The following LRRC4C variants were observed in gnomAD, a reference collection of about 807,000 sequenced individuals.
LRRC4C encodes leucine-rich repeat-containing protein 4C.
Under a neutral mutation model 33.6 loss-of-function variants are expected in LRRC4C, and 5 were observed. That is an observed-to-expected ratio of 0.15 (90% CI 0.08 to 0.31). The LOEUF (loss-of-function observed/expected upper bound fraction) is 0.31. LRRC4C is among the 10% of genes least tolerant of loss of function. The pLI is 1.00. For missense variants in LRRC4C, 560 were observed against 796.7 expected, an observed-to-expected ratio of 0.70 and a Z score of 3.58; for synonymous variants, 329 against 302.0, an observed-to-expected ratio of 1.09 and a Z score of -0.93.
At chr11:40,540,320 A>G (rs1433172178) in intron 3 of LRRC4C, among the ~76,000 whole-genome samples, 1 of 152,150 alleles carries the variant, frequency 6.6e-6, no homozygotes, top group African/African-American at 2.4e-5. Flanking sequence ...CAGAAAATTG[A>G]TCCGCTAAAG....
intron 4 of LRRC4C, among the ~76,000 whole-genome samples, chr11:40,296,256 A>G (rs1276695001): frequency 6.6e-6 from 1 of 152,212 alleles, no homozygotes; most frequent in African/African-American, 2.4e-5. Flanking sequence ...CATTCACACT[A>G]TATGACCTTG....
rs7110624 is a variant in LRRC4C, at chr11:40,674,642, G to C, written c.-406-26364C>G. Among the ~76,000 whole-genome samples, 460 of 152,204 alleles carry C rather than the reference G, an allele frequency of 3.0e-3. 5 individuals are homozygous for C. Among genetic ancestry groups the C allele is most frequent in the African/African-American group, 0.011 (439 of 41,520 alleles). ...TATAATACTGGTTTATAAATCATAT[G>C]CCTTCTTATTTACTTTAATATTTAT... On this transcript the variant is annotated intron_variant, in intron 2 of 6. Coordinates refer to ENST00000528697, the MANE Select transcript of LRRC4C (RefSeq NM_001258419.2).
intron 1 of LRRC4C, among the ~76,000 whole-genome samples, chr11:40,981,340 G>T (rs1456324016): frequency 6.6e-6 from 1 of 152,078 alleles, no homozygotes. Context: ...CTTGAGCCCG[G>T]GAGGCGGAGC....
intron 2 of LRRC4C, among the ~76,000 whole-genome samples, chr11:40,725,772 A>G (rs879174849): frequency 6.6e-6 from 1 of 152,186 alleles, no homozygotes; most frequent in East Asian, 1.9e-4. Context: ...AGCTTTTTAA[A>G]AATGAAGTAG....
intron 3 of LRRC4C, among the ~76,000 whole-genome samples, chr11:40,357,946 A>G (rs1362081827): frequency 6.6e-6 from 1 of 152,144 alleles, no homozygotes; most frequent in Non-Finnish European, 1.5e-5. Context: ...GCACTTTGGG[A>G]GGCCGAGGCA....
intron 1 of LRRC4C, among the ~76,000 whole-genome samples, chr11:41,191,538 A>G (rs1945948516): frequency 6.6e-6 from 1 of 152,168 alleles, no homozygotes; most frequent in South Asian, 2.1e-4. Flanking sequence ...ACTCTGTTCA[A>G]TTGTGAACAA....
chr11:40,449,871 T>C (rs536115148), intron 3 of LRRC4C, among the ~76,000 whole-genome samples: 2 of 152,248 alleles, frequency 1.3e-5, no homozygotes, highest in South Asian at 2.1e-4. Flanking sequence ...TCTGGAGAAA[T>C]ATATTTTCAG....
chr11:40,790,197 T>C (rs964680714), intron 2 of LRRC4C, among the ~76,000 whole-genome samples: 1 of 152,178 alleles, frequency 6.6e-6, no homozygotes, highest in African/African-American at 2.4e-5. Context: ...CAGAGGTGAA[T>C]GTATCGCATT....
intron 1 of LRRC4C, among the ~76,000 whole-genome samples, chr11:41,054,113 C>T (rs1858446823): frequency 6.6e-6 from 1 of 152,176 alleles, no homozygotes; most frequent in African/African-American, 2.4e-5. Flanking sequence ...AGGTCTAAAT[C>T]AAACTGTGTC....
chr11:40,803,632 G>T (rs1951128363), intron 2 of LRRC4C, among the ~76,000 whole-genome samples: 1 of 150,984 alleles, frequency 6.6e-6, no homozygotes, highest in Non-Finnish European at 1.5e-5. Flanking sequence ...TTATTTTTTT[G>T]AGAAAGAGTC....
intron 3 of LRRC4C, among the ~76,000 whole-genome samples, chr11:40,469,371 G>A (rs1444388157): frequency 6.6e-6 from 1 of 152,164 alleles, no homozygotes; most frequent in Non-Finnish European, 1.5e-5. Context: ...CTTTTCCCGT[G>A]GTCTTCGCAA....
At chr11:41,229,733 C>T (rs1383690060) in intron 1 of LRRC4C, among the ~76,000 whole-genome samples, 1 of 152,130 alleles carries the variant, frequency 6.6e-6, no homozygotes, top group East Asian at 1.9e-4. Context: ...GCAGGTAGTA[C>T]AGATCCAATC....
At chr11:40,929,729 C>G (rs1423725523) in intron 2 of LRRC4C, among the ~76,000 whole-genome samples, 1 of 152,128 alleles carries the variant, frequency 6.6e-6, no homozygotes, top group Non-Finnish European at 1.5e-5. Flanking sequence ...ATTCTCCTGC[C>G]TCAGCCTCCC....
At chr11:41,448,598 G>A (rs36005985) in intron 1 of LRRC4C, among the ~76,000 whole-genome samples, 17,260 of 152,022 alleles carry the variant, frequency 0.11, 1,223 homozygotes, top group Non-Finnish European at 0.15. Context: ...GAGCCACTGC[G>A]CCCAGCTACA....
chr11:40,429,380 A>G (rs1004357408), intron 3 of LRRC4C, among the ~76,000 whole-genome samples: 3 of 152,142 alleles, frequency 2.0e-5, no homozygotes, highest in Non-Finnish European at 4.4e-5. Context: ...GGCCCTGATG[A>G]ACTGTTAAAC....
At chr11:40,638,291 A>G (rs1022549819) in intron 3 of LRRC4C, among the ~76,000 whole-genome samples, 2 of 152,212 alleles carry the variant, frequency 1.3e-5, no homozygotes, top group Admixed American at 6.5e-5. Flanking sequence ...TCCAAAGCCA[A>G]GAATAGTGTT....
intron 2 of LRRC4C, among the ~76,000 whole-genome samples, chr11:40,825,090 TTAA>T (rs992069398): frequency 1.2e-4 from 18 of 151,922 alleles, no homozygotes; most frequent in African/African-American, 4.3e-4. Flanking sequence ...TCACTTAATC[TTAA>T]TAAAACTCCG....
chr11:40,682,969 T>G (rs1225908893), intron 2 of LRRC4C, among the ~76,000 whole-genome samples: 1 of 152,064 alleles, frequency 6.6e-6, no homozygotes, highest in Non-Finnish European at 1.5e-5. Flanking sequence ...AGAGGTATGT[T>G]TATGAAATTG....
intron 5 of LRRC4C, among the ~76,000 whole-genome samples, chr11:40,178,796 A>G (rs1860732577): frequency 6.6e-6 from 1 of 152,132 alleles, no homozygotes; most frequent in African/African-American, 2.4e-5. Flanking sequence ...CTGATCTTCA[A>G]AGAAATATCA....
Sources: allele counts gnomAD v4.1 joint callset (sites outside exome capture counted in the v4.1 genomes callset), GRCh38; gene constraint gnomAD v4.1.1; transcripts MANE v1.5; gene names NCBI Gene and HGNC (gene_info 2026-07-23, HGNC 2026-07-21).